CDKL1: variants seen among roughly 807,000 people sequenced by gnomAD.
CDKL1 encodes the protein cyclin-dependent kinase-like 1.
Under a neutral mutation model 42.0 loss-of-function variants are expected in CDKL1, and 41 were observed. The observed-to-expected ratio is 0.98, with a 90% confidence interval of 0.76 to 1.27. The LOEUF (loss-of-function observed/expected upper bound fraction) is 1.27. CDKL1 is among the 50% of genes most tolerant of loss of function. CDKL1 has a pLI of 0.00. For missense variants in CDKL1, 394 were observed against 428.4 expected (o/e 0.92, Z 0.71); for synonymous variants, 153 against 158.6 (o/e 0.96, Z 0.26).
intron 7 of CDKL1, among the ~76,000 whole-genome samples, chr14:50,337,075 C>T (rs2033319971): frequency 6.6e-6 from 1 of 151,824 alleles, no homozygotes; most frequent in African/African-American, 2.4e-5. Flanking sequence ...CTGACGTGAT[C>T]TCGGCTCACT....
At chr14:50,331,437 C>G (rs989099984) in intron 9 of CDKL1, 1 of 152,642 alleles carries the variant, frequency 6.6e-6, no homozygotes, top group East Asian at 1.9e-4. Context: ...TAACTGTGAT[C>G]TACATTAGGG....
intron 3 of CDKL1, among the ~76,000 whole-genome samples, chr14:50,358,797 G>A (rs769376442): frequency 1.3e-5 from 2 of 151,520 alleles, no homozygotes; most frequent in African/African-American, 2.4e-5. Context: ...CCGCCACCAC[G>A]CCCAGCTAAT....
chr14:50,391,069 G>C (rs144452948), intron 2 of CDKL1, among the ~76,000 whole-genome samples: 1 of 152,076 alleles, frequency 6.6e-6, no homozygotes, highest in African/African-American at 2.4e-5. Context: ...TCATGGGCTC[G>C]AGAGATCAGC....
chr14:50,366,286 G>T (rs1243765108), intron 2 of CDKL1, among the ~76,000 whole-genome samples: 1 of 152,214 alleles, frequency 6.6e-6, no homozygotes, highest in Non-Finnish European at 1.5e-5. Flanking sequence ...CGAGTCTAGA[G>T]GGTAAAGGTC....
chr14:50,384,793 T>C (rs7157237), intron 2 of CDKL1, among the ~76,000 whole-genome samples: 73,138 of 151,496 alleles, frequency 0.48, 17,738 homozygotes, highest in East Asian at 0.67. Flanking sequence ...ATGCCGGCTA[T>C]GGCGGCTCGG....
chr14:50,338,423 T>C (rs2033387361), intron 7 of CDKL1, among the ~76,000 whole-genome samples: 1 of 152,154 alleles, frequency 6.6e-6, no homozygotes, highest in African/African-American at 2.4e-5. Context: ...AGACAGTGTT[T>C]CATCATGTTG....
At chr14:50,332,782 T>A in intron 8 of CDKL1, 1 of 826,198 alleles carries the variant, frequency 1.2e-6, no homozygotes, top group South Asian at 1.6e-5. Flanking sequence ...ATGTACTTTG[T>A]AAAAACTAGT....
Position 50,396,222 on chromosome 14 carries a change from G to GA in CDKL1, c.-355dup, listed in dbSNP as rs2035403662. On this transcript the variant is annotated 5_prime_UTR_variant, in exon 2 of 10. Coordinates refer to ENST00000395834, the MANE Select transcript of CDKL1 (RefSeq NM_004196.7). The stretch of plus-strand genomic sequence containing the variant: ...AAAAAAAAAAAAAAAAAGAAAGAAA[G>GA]AAAAGAAAAGAAAGGATCTTCACAT... The GA allele has an allele frequency of 1.0e-6, 1 of 957,492 alleles. No individual in the cohort carries two copies. Among genetic ancestry groups the GA allele is most frequent in the African/African-American group, 1.9e-5 (1 of 52,804 alleles). The allele number at this position is 957,492 out of a possible 1,614,324, so 59.3% of individuals were successfully genotyped here. A position where few individuals can be genotyped will look rare whatever the true frequency, so the allele number is the denominator to read the frequency against.
At chr14:50,372,611 A>G (rs1293093750) in intron 2 of CDKL1, among the ~76,000 whole-genome samples, 15 of 152,220 alleles carry the variant, frequency 9.9e-5, no homozygotes, top group African/African-American at 3.6e-4. Flanking sequence ...ATTTAAAAAA[A>G]TCACTGCCCA....
chr14:50,349,430 A>G (rs1017611953), intron 3 of CDKL1, among the ~76,000 whole-genome samples: 1 of 152,182 alleles, frequency 6.6e-6, no homozygotes, highest in African/African-American at 2.4e-5. Flanking sequence ...GCAGTCCATT[A>G]TCAAAGAAGA....
At chr14:50,346,817 T>C (rs2033743855) in intron 3 of CDKL1, among the ~76,000 whole-genome samples, 1 of 151,676 alleles carries the variant, frequency 6.6e-6, no homozygotes, top group South Asian at 2.1e-4. Flanking sequence ...CTCAGCTAAT[T>C]TTTGTATTTT....
chr14:50,383,431 T>A (rs2034980154), intron 2 of CDKL1, among the ~76,000 whole-genome samples: 1 of 151,608 alleles, frequency 6.6e-6, no homozygotes, highest in South Asian at 2.1e-4. Context: ...GTGCCTGTAA[T>A]CCCAGCTACT....
intron 2 of CDKL1, 102 bp from the exon 3 acceptor site, chr14:50,359,251 C>A: frequency 5.2e-6 from 7 of 1,334,816 alleles, no homozygotes; most frequent in Non-Finnish European, 5.1e-6. Context: ...TTAAGAATTT[C>A]ATTCTTAGAT....
chr14:50,349,018 A>C (rs1021051907), intron 3 of CDKL1, among the ~76,000 whole-genome samples: 3 of 152,088 alleles, frequency 2.0e-5, no homozygotes, highest in Admixed American at 6.6e-5. Context: ...CAATTCAAAA[A>C]TTTTTTTCTG....
At chr14:50,384,846 G>A (rs574315399) in intron 2 of CDKL1, among the ~76,000 whole-genome samples, 11 of 151,986 alleles carry the variant, frequency 7.2e-5, no homozygotes, top group Middle Eastern at 3.4e-3. Context: ...CGAGGTGGGT[G>A]GATCACTTGA....
rs573418753 is a variant in CDKL1, at chr14:50,385,572, A to G, written c.168+10129T>C. On this transcript the variant is annotated intron_variant, in intron 2 of 9. Transcript: ENST00000395834. ...TGTAATCCCAGCACTTTGGGAGGCC[A>G]AGGCGGGTGGATCACAAGGTCAGGA... 5.3e-5 allele frequency among the ~76,000 whole-genome samples: 8 copies of G among 152,102 alleles called. 1 individual carries two copies. Among genetic ancestry groups the G allele is most frequent in the Non-Finnish European group, 8.8e-5 (6 of 67,982 alleles).
At chr14:50,386,114 AAGAG>A (rs1010462780) in intron 2 of CDKL1, among the ~76,000 whole-genome samples, 2 of 151,084 alleles carry the variant, frequency 1.3e-5, no homozygotes. Context: ...GGGGGAAAGA[AAGAG>A]AGAGAGAGAG....
At position 50,328,621 on chromosome 14, in the gene CDKL1, C is replaced by T. The variant is rs1257054058; in HGVS notation, c.*1453G>A. On this transcript the variant is annotated 3_prime_UTR_variant, in exon 10 of 10. Coordinates refer to ENST00000395834, the MANE Select transcript of CDKL1 (RefSeq NM_004196.7). ...GCTGTAAGAAACAGACGTCAGGCTT[C>T]ATATTGCCCTTGTGTCCAGGGGACA... 1 of 152,180 alleles carries T rather than the reference C, an allele frequency of 6.6e-6. No homozygotes were observed. The highest frequency in any genetic ancestry group is 1.5e-5 in the Non-Finnish European group (1 of 68,030). The allele number at this position is 152,180 out of a possible 1,614,324, so 9.4% of individuals were successfully genotyped here.
chr14:50,330,334 A>G, intron 9 of CDKL1, 153 bp from the exon 10 acceptor site: 1 of 910,244 alleles, frequency 1.1e-6, no homozygotes, highest in Non-Finnish European at 1.5e-6. Flanking sequence ...TAAATGTTTC[A>G]ATTTCGTCTT....
Sources: gnomAD v4.1 joint callset for allele counts (sites outside exome capture counted in the v4.1 genomes callset) on GRCh38, gnomAD v4.1.1 for gene constraint, MANE v1.5 for transcripts, NCBI Gene and HGNC (gene_info 2026-07-23, HGNC 2026-07-21) for gene names.